Variants in BIRC6 observed in about 807,000 individuals in gnomAD.
BIRC6 encodes the protein dual E2 ubiquitin-conjugating enzyme/E3 ubiquitin-protein ligase BIRC6.
BIRC6 carries 98 observed loss-of-function variants against 503.3 expected under a neutral mutation model. The observed-to-expected ratio is 0.19, with a 90% CI of 0.17 to 0.23. BIRC6 has a LOEUF of 0.23. Among genes scored for constraint, BIRC6 ranks in the 10% least tolerant of loss-of-function variants. BIRC6 has a pLI of 1.00. For missense variants in BIRC6, 5,360 were observed against 5,806.0 expected, an observed-to-expected ratio of 0.92 and a Z score of 2.50; for synonymous variants, 2,240 against 2,078.7, an observed-to-expected ratio of 1.08 and a Z score of -2.11.
chr2:32,611,657 A>C, intron 73 of BIRC6, 75 bp downstream of exon 73: 1 of 1,326,750 alleles, frequency 7.5e-7, no homozygotes. Context: ...TGCCTACCAG[A>C]AGATAATGGG....
At chr2:32,429,724 T>C (rs2043892683) in intron 11 of BIRC6, among the ~76,000 whole-genome samples, 1 of 152,166 alleles carries the variant, frequency 6.6e-6, no homozygotes, top group Non-Finnish European at 1.5e-5. Context: ...TGACCCACAT[T>C]GCCCTCCAGA....
chr2:32,431,644 A>T (rs2044135031), intron 12 of BIRC6, among the ~76,000 whole-genome samples: 1 of 152,204 alleles, frequency 6.6e-6, no homozygotes, highest in Non-Finnish European at 1.5e-5. Flanking sequence ...TTATATTCTT[A>T]TTCTTAATTT....
chr2:32,507,853 T>A (rs76890438), intron 50 of BIRC6, 127 bp from the exon 51 acceptor site: 10,525 of 803,762 alleles, frequency 0.013, 91 homozygotes, highest in Non-Finnish European at 0.015. Flanking sequence ...TTTTGTTGTA[T>A]AAGTTTTCCT....
intron 15 of BIRC6, among the ~76,000 whole-genome samples, chr2:32,437,745 T>C (rs2044887715): frequency 6.6e-6 from 1 of 152,202 alleles, no homozygotes; most frequent in African/African-American, 2.4e-5. Context: ...TTAGAGCATT[T>C]TGGATTTTCA....
At chr2:32,378,780 G>A (rs1183256628) in intron 2 of BIRC6, among the ~76,000 whole-genome samples, 1 of 152,108 alleles carries the variant, frequency 6.6e-6, no homozygotes, top group Admixed American at 6.5e-5. Context: ...TTTTTGCTAT[G>A]CATCATGTCT....
intron 37 of BIRC6, among the ~76,000 whole-genome samples, chr2:32,480,801 C>T (rs1275642385): frequency 6.6e-6 from 1 of 151,712 alleles, no homozygotes; most frequent in Non-Finnish European, 1.5e-5. Context: ...ACCACCACAC[C>T]CAGCTAATTT....
Position 32,481,460 on chromosome 2 carries a change from T to A in BIRC6, c.7542+7T>A. On this transcript the variant is annotated splice_region_variant and intron_variant, in intron 38 of 73. Transcript: ENST00000421745. ...TGCAGCCAAGGTTTTTAAGGTATGATACATGAGAATAGTCTTTGAAAGGAG... is the reference window on the plus strand; with the variant it reads ...TGCAGCCAAGGTTTTTAAGGTATGAAACATGAGAATAGTCTTTGAAAGGAG... 6.2e-7 allele frequency: 1 copy of A among 1,602,042 alleles called. No individual in the cohort carries two copies. The highest frequency in any genetic ancestry group is 8.5e-7 in the Non-Finnish European group (1 of 1,174,278).
At chr2:32,365,992 C>T (rs190648460) in intron 1 of BIRC6, among the ~76,000 whole-genome samples, 49 of 152,222 alleles carry the variant, frequency 3.2e-4, no homozygotes, top group Middle Eastern at 3.4e-3. Flanking sequence ...TCAAGCGATT[C>T]TCCTGTCTCA....
intron 23 of BIRC6, among the ~76,000 whole-genome samples, chr2:32,458,590 G>T (rs1241735340): frequency 6.6e-6 from 1 of 150,514 alleles, no homozygotes; most frequent in Non-Finnish European, 1.5e-5. Flanking sequence ...CTTTACTGCA[G>T]TGTTGCCTCT....
chr2:32,401,555 G>C lies in BIRC6; in HGVS notation c.1350G>C (p.Arg450Ser). The C allele has an allele frequency of 6.2e-7, 1 of 1,614,000 alleles. No individual in the cohort carries two copies. The highest frequency in any genetic ancestry group is 8.5e-7 in the Non-Finnish European group (1 of 1,179,888). ...SGDPSSGVDS[R>S]RPTLAWLEDS... ...ACCCAAGCTCAGGAGTTGATTCAAGGAGACCAACTTTGGCGTGGCTGGAGG... is the reference window on the plus strand; with the variant it reads ...ACCCAAGCTCAGGAGTTGATTCAAGCAGACCAACTTTGGCGTGGCTGGAGG... The change falls in exon 8 of 74, where the codon AGG becomes AGC. Residue 450 changes from arginine (R) to serine (S), a missense_variant. Around this residue, in one of 16 missense-constraint regions of BIRC6, gnomAD observed 700 missense variants for 739.3 expected, o/e 0.95. Coordinates refer to ENST00000421745, the MANE Select transcript of BIRC6 (RefSeq NM_016252.4).
At chr2:32,374,518 G>A (rs1015067187) in intron 1 of BIRC6, among the ~76,000 whole-genome samples, 2 of 150,920 alleles carry the variant, frequency 1.3e-5, no homozygotes, top group Non-Finnish European at 3.0e-5. Flanking sequence ...TGTCGCCCAG[G>A]CTGGAGTGCA....
At chr2:32,535,037 C>T (rs758526883) in intron 61 of BIRC6, among the ~76,000 whole-genome samples, 1 of 150,052 alleles carries the variant, frequency 6.7e-6, no homozygotes, top group Non-Finnish European at 1.5e-5. Flanking sequence ...CTGGCCACTG[C>T]AGTGCATCTC....
intron 23 of BIRC6, among the ~76,000 whole-genome samples, chr2:32,462,800 AC>A (rs1314287885): frequency 6.6e-6 from 1 of 152,064 alleles, no homozygotes; most frequent in Non-Finnish European, 1.5e-5. Flanking sequence ...TACTAAACAT[AC>A]AAAAATTAGC....
Position 32,501,903 on chromosome 2 carries a change from A to G in BIRC6, c.9207+15A>G. 4 of 1,586,776 alleles carry G rather than the reference A, an allele frequency of 2.5e-6. No homozygotes were observed. Among genetic ancestry groups the G allele is most frequent in the East Asian group, 2.2e-5 (1 of 44,698 alleles). On this transcript the variant is annotated intron_variant, in intron 47 of 73. Coordinates refer to ENST00000421745, the MANE Select transcript of BIRC6 (RefSeq NM_016252.4). ...TGGGCAGACAAGTAAGTTCAAGCCA[A>G]CAACAGTTGCAGTGATTCAAATAAA...
At chr2:32,424,130 C>T (rs1473082788) in intron 10 of BIRC6, among the ~76,000 whole-genome samples, 1 of 152,006 alleles carries the variant, frequency 6.6e-6, no homozygotes, top group Non-Finnish European at 1.5e-5. Context: ...AAGAACAAAT[C>T]TTCTGTTTGT....
chr2:32,510,625 C>A lies in BIRC6; in HGVS notation c.10337C>A (p.Thr3446Lys). ...YQLGTTQDPG[T>K]KDRIQALLKW... ...CTTGGAACAACTCAGGATCCTGGTA[C>A]AAAAGACAGGTACGATTTTATTTTT... Residue 3446 changes from threonine to lysine, a missense_variant, in exon 53 of 74, where the codon ACA becomes AAA. Around this residue, in one of 16 missense-constraint regions of BIRC6, gnomAD observed 878 missense variants for 928.9 expected, o/e 0.95. Transcript: ENST00000421745. 1 of 1,579,826 alleles carries A rather than the reference C, an allele frequency of 6.3e-7. No homozygotes were observed. Among genetic ancestry groups the A allele is most frequent in the Non-Finnish European group, 8.7e-7 (1 of 1,149,216 alleles).
chr2:32,547,775 C>A, intron 63 of BIRC6, 75 bp from the exon 64 acceptor site: 1 of 1,287,654 alleles, frequency 7.8e-7, no homozygotes. Context: ...CATCATTTTA[C>A]TTTCCCAGTG....
intron 42 of BIRC6, among the ~76,000 whole-genome samples, chr2:32,489,201 C>G (rs2051377985): frequency 6.6e-6 from 1 of 151,854 alleles, no homozygotes. Context: ...TCAGCTCTAG[C>G]TACAGGAATC....
chr2:32,509,718 A>G lies in BIRC6; in HGVS notation c.9981-20A>G, dbSNP rs1279807673. ...TTTGAGCGACTTATATTGATCATAC[A>G]AGTCATTTTGTATTTTCAGTATTGG... On this transcript the variant is annotated intron_variant, in intron 51 of 73. Coordinates refer to ENST00000421745, the MANE Select transcript of BIRC6 (RefSeq NM_016252.4). The G allele has an allele frequency of 6.2e-7, 1 of 1,613,510 alleles. No individual in the cohort carries two copies. The highest frequency in any genetic ancestry group is 2.2e-5 in the East Asian group (1 of 44,890).
Sources: gnomAD v4.1 joint callset for allele counts (sites outside exome capture counted in the v4.1 genomes callset) on GRCh38, gnomAD v4.1.1 for gene constraint, gnomAD v4.1.1 regional missense constraint, MANE v1.5 for transcripts, NCBI Gene and HGNC (gene_info 2026-07-23, HGNC 2026-07-21) for gene names.